Variants in ZDHHC11B observed in about 807,000 individuals in gnomAD.
ZDHHC11B encodes the protein zDHHC palmitoyltransferase 11B (putative).
In ZDHHC11B, 17 loss-of-function variants were observed where a neutral mutation model predicts 42.3. That is an observed-to-expected ratio of 0.40 (90% CI 0.27 to 0.60). The LOEUF is 0.60. ZDHHC11B is among the 20% of genes least tolerant of loss of function. The pLI is 0.41. For synonymous variants in ZDHHC11B, 123 were observed against 193.5 expected, an observed-to-expected ratio of 0.64 and a Z score of 3.02; for missense variants, 262 against 463.2, an observed-to-expected ratio of 0.57 and a Z score of 3.99.
intron 3 of ZDHHC11B, 107 bp downstream of exon 3, chr5:767,285 G>T: frequency 7.7e-7 from 1 of 1,301,680 alleles, no homozygotes; most frequent in East Asian, 2.3e-5. Context: ...CTGGACGGCT[G>T]CGGGATGGCC....
At chr5:756,913 G>C (rs1425678220) in intron 4 of ZDHHC11B, among the ~76,000 whole-genome samples, 2 of 151,632 alleles carry the variant, frequency 1.3e-5, no homozygotes, top group Admixed American at 1.3e-4. Flanking sequence ...ACTCTCTCAG[G>C]GAGCCCAGAC....
intron 12 of ZDHHC11B, among the ~76,000 whole-genome samples, chr5:720,296 A>G (rs1468960607): frequency 6.6e-6 from 1 of 151,846 alleles, no homozygotes; most frequent in African/African-American, 2.4e-5. Context: ...AATCAGAATC[A>G]AGAGATCCTT....
intron 3 of ZDHHC11B, 173 bp from the exon 4 acceptor site, chr5:767,092 C>A: frequency 1.1e-6 from 1 of 915,436 alleles, no homozygotes; most frequent in Non-Finnish European, 1.6e-6. Flanking sequence ...AGGGGTTGGG[C>A]TGGAGTCGGT....
At chr5:780,968 G>T (rs1193405793) in intron 1 of ZDHHC11B, among the ~76,000 whole-genome samples, 1 of 148,538 alleles carries the variant, frequency 6.7e-6, no homozygotes, top group Non-Finnish European at 1.5e-5. Flanking sequence ...AGATGCAGGT[G>T]GCTGTGCAGC....
chr5:767,238 G>T, intron 3 of ZDHHC11B, 154 bp downstream of exon 3: 1 of 971,586 alleles, frequency 1.0e-6, no homozygotes, highest in Non-Finnish European at 1.5e-6. Flanking sequence ...AGACCTGGGT[G>T]GATGACTGAA....
chr5:775,324 C>T lies in ZDHHC11B; in HGVS notation c.-229-6394G>A, dbSNP rs572485296. ...GTGCCCATGGTGGGACAGTTGCTTGCGCCTCAGTCTCCTCATCCTTGAAGG... is the reference window on the plus strand; with the variant it reads ...GTGCCCATGGTGGGACAGTTGCTTGTGCCTCAGTCTCCTCATCCTTGAAGG... On this transcript the variant is annotated intron_variant, in intron 1 of 13. Transcript: ENST00000508859. 3.1e-3 allele frequency among the ~76,000 whole-genome samples: 464 copies of T among 151,518 alleles called. 6 individuals are homozygous for T. Among genetic ancestry groups the T allele is most frequent in the African/African-American group, 0.011 (445 of 41,038 alleles).
intron 6 of ZDHHC11B, among the ~76,000 whole-genome samples, chr5:754,329 G>T (rs5028820): frequency 0.4 from 5,092 of 12,682 alleles, 1,714 homozygotes; most frequent in Middle Eastern, 0.67. Context: ...CCACGCTCAG[G>T]GGAAAGACCT....
Position 761,305 on chromosome 5 carries a change from T to A in ZDHHC11B, c.223-5161A>T, listed in dbSNP as rs555890147. 1.7e-4 allele frequency among the ~76,000 whole-genome samples: 26 copies of A among 151,926 alleles called. No homozygotes were observed. In the South Asian group the frequency reaches 2.9e-3, roughly 17 times the overall value. ...ACTGTGGGCTTTAGTGACATCCTCA[T>A]CCCTCACTGCAGGACACCCGGGGCC... On this transcript the variant is annotated intron_variant, in intron 4 of 13. Transcript: ENST00000508859.
chr5:757,687 C>T lies in ZDHHC11B; in HGVS notation c.223-1543G>A, dbSNP rs1384645876. On this transcript the variant is annotated intron_variant, in intron 4 of 13. Coordinates refer to ENST00000508859, the MANE Select transcript of ZDHHC11B (RefSeq NM_001351303.2). Reference sequence around the variant, plus strand: ...ACACCCTGCATCTTCCAGGCACTCACGTGGCCCCGGGCCCTGGGTGCCGGT... The same window carrying T: ...ACACCCTGCATCTTCCAGGCACTCATGTGGCCCCGGGCCCTGGGTGCCGGT... 3.9e-5 allele frequency among the ~76,000 whole-genome samples: 6 copies of T among 151,984 alleles called. 1 individual carries two copies. Among genetic ancestry groups the T allele is most frequent in the African/African-American group, 7.3e-5 (3 of 41,368 alleles).
chr5:719,928 G>A (rs1742058311), intron 12 of ZDHHC11B, among the ~76,000 whole-genome samples: 2 of 151,700 alleles, frequency 1.3e-5, no homozygotes, highest in African/African-American at 4.9e-5. Context: ...TGCCCACCCA[G>A]GACATGAATG....
intron 4 of ZDHHC11B, among the ~76,000 whole-genome samples, chr5:757,660 G>C (rs1251896175): frequency 6.6e-6 from 1 of 151,974 alleles, no homozygotes; most frequent in East Asian, 1.9e-4. Context: ...AGGATGCACC[G>C]CACACCCTGC....
chr5:784,023 G>T (rs1737070963), intron 1 of ZDHHC11B, among the ~76,000 whole-genome samples: 1 of 151,462 alleles, frequency 6.6e-6, no homozygotes, highest in African/African-American at 2.4e-5. Context: ...AGGGGTGCGG[G>T]AAGGTGTCCC....
At position 730,629 on chromosome 5, in the gene ZDHHC11B, C is replaced by T. The variant is rs115263552; in HGVS notation, c.1024-161G>A. Among the ~76,000 whole-genome samples, 782 of 151,738 alleles carry T rather than the reference C, an allele frequency of 5.2e-3. 34 individuals carry two copies. The highest frequency in any genetic ancestry group is 0.018 in the African/African-American group (742 of 41,178). ...ATAGGATCTCAGTGGTGGCACAGCA[C>T]GCTTCCTCCCAATCCTTGTATTATG... On this transcript the variant is annotated intron_variant, in intron 11 of 13. Transcript: ENST00000508859.
intron 1 of ZDHHC11B, among the ~76,000 whole-genome samples, chr5:771,857 A>G (rs1736086541): frequency 7.0e-6 from 1 of 143,216 alleles, no homozygotes; most frequent in Non-Finnish European, 1.5e-5. Context: ...TTATTCACAC[A>G]CCTCAGAGAG....
In ZDHHC11B at chr5:777,940, C is replaced by T. The variant is rs970755616; in HGVS notation, c.-230+6728G>A. On this transcript the variant is annotated intron_variant, in intron 1 of 13. Transcript: ENST00000508859. ...GAGGGGGGGCGTGGCCTCGGCATGG[C>T]GGTCGGCGGGTCCCGAGCCCTGCCC... Among the ~76,000 whole-genome samples, 5 of 151,876 alleles carry T rather than the reference C, an allele frequency of 3.3e-5. No homozygotes were observed. The East Asian group carries it at 5.8e-4, about 18-fold the overall frequency.
At position 723,104 on chromosome 5, in the gene ZDHHC11B, T is replaced by TC. The variant is rs5865339; in HGVS notation, c.1059-6240_1059-6239insG. ...GGGCCCCATCAACAGATAAAGATGA[T>TC]TCAGACTCCGCTTTTGTTGTTGGTG... On this transcript the variant is annotated intron_variant, in intron 12 of 13. Coordinates refer to ENST00000508859, the MANE Select transcript of ZDHHC11B (RefSeq NM_001351303.2). 1.7e-4 allele frequency among the ~76,000 whole-genome samples: 25 copies of TC among 150,796 alleles called. 2 individuals are homozygous for TC. Among genetic ancestry groups the TC allele is most frequent in the African/African-American group, 6.1e-4 (25 of 40,754 alleles).
chr5:736,960 G>A lies in ZDHHC11B; in HGVS notation c.936-3121C>T, dbSNP rs1307466783. ...AACCCAACAGAAGAAAAGTAATAAC[G>A]AACATCAGAGCAGAACTAAATGAAA... On this transcript the variant is annotated intron_variant, in intron 10 of 13. Coordinates refer to ENST00000508859, the MANE Select transcript of ZDHHC11B (RefSeq NM_001351303.2). Among the ~76,000 whole-genome samples the A allele has an allele frequency of 2.0e-4, 28 of 136,848 alleles. 1 individual carries two copies. The highest frequency in any genetic ancestry group is 3.6e-4 in the Non-Finnish European group (23 of 64,062). 89.8% of individuals were successfully genotyped at this position (136,848 alleles called of 152,430 possible).
chr5:766,995 A>G, intron 3 of ZDHHC11B, 76 bp from the exon 4 acceptor site: 1 of 1,516,364 alleles, frequency 6.6e-7, no homozygotes, highest in Non-Finnish European at 9.0e-7. Context: ...CAGGGAGACC[A>G]CGGGGACTGG....
At chr5:780,829 C>T (rs1348166672) in intron 1 of ZDHHC11B, among the ~76,000 whole-genome samples, 11 of 152,006 alleles carry the variant, frequency 7.2e-5, no homozygotes, top group Non-Finnish European at 1.0e-4. Context: ...GGTGCCACCC[C>T]GCCGAGGGGC....
Sources: allele counts gnomAD v4.1 joint callset (sites outside exome capture counted in the v4.1 genomes callset), GRCh38; gene constraint gnomAD v4.1.1; transcripts MANE v1.5; gene names NCBI Gene and HGNC (gene_info 2026-07-23, HGNC 2026-07-21).